Variants in C11orf65 observed in about 807,000 individuals in gnomAD.
C11orf65 encodes the protein protein MFI.
C11orf65 carries 38 observed loss-of-function variants against 35.3 expected under a neutral mutation model. The ratio of observed to expected loss-of-function variants is 1.08; its 90% CI spans 0.83 to 1.41. The LOEUF (loss-of-function observed/expected upper bound fraction) is 1.41. Among genes scored for constraint, C11orf65 ranks in the 40% most tolerant of loss-of-function variants. The pLI is 0.00. For synonymous variants in C11orf65, 105 were observed against 114.4 expected (o/e 0.92, Z 0.53); for missense variants, 370 against 367.1 (o/e 1.01, Z -0.06).
At chr11:108,338,819 T>C (rs1287887878) in intron 2 of C11orf65, among the ~76,000 whole-genome samples, 2 of 152,208 alleles carry the variant, frequency 1.3e-5, no homozygotes, top group East Asian at 3.8e-4. Flanking sequence ...ACTCCAAGAA[T>C]GTGAAAGTTG....
In C11orf65 at chr11:108,316,093, C is replaced by T. The variant is rs587778078; in HGVS notation, c.641-7022G>A. 4.0e-5 allele frequency: 64 copies of T among 1,613,924 alleles called. No individual in the cohort carries two copies. The highest frequency in any genetic ancestry group is 4.7e-5 in the Non-Finnish European group (55 of 1,179,966). ...CGAAACAGCAATCCCCTCATCAACA[C>T]GCCAGGCAGGAATCATTCAGGTACA... On this transcript the variant is annotated intron_variant, in intron 6 of 6. Coordinates refer to the C11orf65 transcript ENST00000525729.
intron 6 of C11orf65, among the ~76,000 whole-genome samples, chr11:108,399,031 T>C (rs1010159745): frequency 3.3e-5 from 5 of 152,168 alleles, no homozygotes; most frequent in African/African-American, 1.2e-4. Context: ...GCTGTGACTG[T>C]AGCCAGAACA....
At chr11:108,313,324 C>T (rs187825236) in intron 6 of C11orf65, among the ~76,000 whole-genome samples, 41 of 152,264 alleles carry the variant, frequency 2.7e-4, no homozygotes, top group Admixed American at 2.6e-3. Flanking sequence ...TCCCTCTTCC[C>T]TATGTTCTCT....
downstream of C11orf65, chr11:108,331,406 C>A (rs1038448273): frequency 3.1e-6 from 5 of 1,597,934 alleles, no homozygotes; most frequent in Non-Finnish European, 3.4e-6. Context: ...ATTTGAAATA[C>A]CTTGTTTCTT....
chr11:108,357,272 C>G (rs1400781069), intron 2 of C11orf65, among the ~76,000 whole-genome samples: 1 of 152,226 alleles, frequency 6.6e-6, no homozygotes, highest in Non-Finnish European at 1.5e-5. Context: ...GATTATATCC[C>G]GCAGCTGGCT....
chr11:108,457,426 T>A (rs1402565784), intron 2 of C11orf65, among the ~76,000 whole-genome samples: 1 of 152,042 alleles, frequency 6.6e-6, no homozygotes, highest in Non-Finnish European at 1.5e-5. Flanking sequence ...GGTGGATCAC[T>A]AGGTCAGGAG....
At chr11:108,324,815 A>G (rs930326850) in intron 6 of C11orf65, among the ~76,000 whole-genome samples, 2 of 152,194 alleles carry the variant, frequency 1.3e-5, no homozygotes, top group Admixed American at 6.5e-5. Context: ...ATGTTGGTAA[A>G]TGAAACCTTT....
chr11:108,321,375 T>G lies in C11orf65; in HGVS notation c.641-12304A>C, dbSNP rs1555117194. 1 of 1,614,208 alleles carries G rather than the reference T, an allele frequency of 6.2e-7. No homozygotes were observed. The highest frequency in any genetic ancestry group is 8.5e-7 in the Non-Finnish European group (1 of 1,180,032). Reference sequence around the variant, plus strand: ...TCGCTCTATCCCACACTTAGCAGGTTGCAGGCCATTGGAGAGCTGGAAAGC... The same window carrying G: ...TCGCTCTATCCCACACTTAGCAGGTGGCAGGCCATTGGAGAGCTGGAAAGC... On this transcript the variant is annotated intron_variant, in intron 6 of 6. Coordinates refer to the C11orf65 transcript ENST00000525729.
chr11:108,318,272 G>A (rs905141868), intron 6 of C11orf65, among the ~76,000 whole-genome samples: 1 of 152,132 alleles, frequency 6.6e-6, no homozygotes, highest in African/African-American at 2.4e-5. Flanking sequence ...TGAGGCAGGA[G>A]AATTGCTAGA....
At chr11:108,450,207 T>C (rs867559006) in intron 2 of C11orf65, among the ~76,000 whole-genome samples, 1 of 151,924 alleles carries the variant, frequency 6.6e-6, no homozygotes, top group Non-Finnish European at 1.5e-5. Flanking sequence ...AGTTCAACCA[T>C]TGTGGAAGTC....
chr11:108,315,723 G>T, intron 6 of C11orf65: 2 of 808,148 alleles, frequency 2.5e-6, no homozygotes, highest in Non-Finnish European at 4.2e-6. Flanking sequence ...AACATTTAGA[G>T]TTGGGAGTTA....
intron 2 of C11orf65, among the ~76,000 whole-genome samples, chr11:108,448,524 A>T (rs1305608685): frequency 6.6e-6 from 1 of 152,218 alleles, no homozygotes; most frequent in Non-Finnish European, 1.5e-5. Flanking sequence ...ACAGAACCAA[A>T]GACAAAAAAC....
At chr11:108,333,047 C>G in intron 3 of C11orf65, 1 of 943,204 alleles carries the variant, frequency 1.1e-6, no homozygotes, top group Non-Finnish European at 1.6e-6. Flanking sequence ...CTTCAGCATT[C>G]CCTGGTTACT....
chr11:108,357,861 AACTGGAAAC>A (rs2090203384), intron 2 of C11orf65, among the ~76,000 whole-genome samples: 1 of 151,338 alleles, frequency 6.6e-6, no homozygotes, highest in Non-Finnish European at 1.5e-5. Context: ...AGAACAGAAA[AACTGGAAAC>A]TCTAAAACGC....
chr11:108,317,246 T>G, intron 6 of C11orf65: 1 of 953,966 alleles, frequency 1.0e-6, no homozygotes, highest in Non-Finnish European at 1.6e-6. Context: ...GCTGATATTT[T>G]GGGATTTTAA....
chr11:108,321,172 G>A (rs2085178137), intron 6 of C11orf65: 1 of 1,237,078 alleles, frequency 8.1e-7, no homozygotes, highest in Non-Finnish European at 1.1e-6. Context: ...TGTATTCACT[G>A]TTGCTTGTTA....
intron 7 of C11orf65, among the ~76,000 whole-genome samples, chr11:108,388,776 A>G (rs2092076951): frequency 6.6e-6 from 1 of 152,222 alleles, no homozygotes; most frequent in Non-Finnish European, 1.5e-5. Context: ...GTCCTGTGGC[A>G]TTGTGCATAA....
At chr11:108,454,796 C>A (rs952588501) in intron 2 of C11orf65, among the ~76,000 whole-genome samples, 18 of 152,050 alleles carry the variant, frequency 1.2e-4, no homozygotes, top group Admixed American at 1.1e-3. Flanking sequence ...TAAAGATTTG[C>A]CAATTTTGTT....
chr11:108,319,783 G>T (rs915992872), intron 6 of C11orf65, among the ~76,000 whole-genome samples: 2 of 152,260 alleles, frequency 1.3e-5, no homozygotes, highest in African/African-American at 4.8e-5. Flanking sequence ...TCTGCTTAAA[G>T]AATTTAAATG....
Sources: allele counts gnomAD v4.1 joint callset (sites outside exome capture counted in the v4.1 genomes callset), GRCh38; gene constraint gnomAD v4.1.1; transcripts MANE v1.5; gene names NCBI Gene and HGNC (gene_info 2026-07-23, HGNC 2026-07-21).